Variants in SGO2 observed in about 807,000 individuals in gnomAD.
The protein encoded by SGO2 is shugoshin-like 2.
In SGO2, 68 loss-of-function variants were observed where a neutral mutation model predicts 99.5. The ratio of observed to expected loss-of-function variants is 0.68; its 90% CI spans 0.56 to 0.84. The LOEUF is 0.84. SGO2 is among the 40% of genes least tolerant of loss of function. SGO2 has a pLI of 0.00. For missense variants in SGO2, 1,350 were observed against 1,436.7 expected, an observed-to-expected ratio of 0.94 and a Z score of 0.97; for synonymous variants, 457 against 487.1, an observed-to-expected ratio of 0.94 and a Z score of 0.81.
rs774225510 is a variant in SGO2 at position 200,572,617 on chromosome 2, C to G, written c.2271C>G (p.Asn757Lys). Residue 757 changes from asparagine (N) to lysine (K), a missense_variant, in exon 7 of 9, where the codon AAC becomes AAG. By Grantham distance (94) the Asn-to-Lys change is moderately conservative. Coordinates refer to ENST00000357799, the MANE Select transcript of SGO2 (RefSeq NM_152524.6). Reference protein sequence around the residue: ...TQKDKEIIPGNLEDPSEFETP... With the variant: ...TQKDKEIIPGKLEDPSEFETP... ...AAGATAAGGAAATCATCCCTGGAAACCTAGAAGACCCAAGTGAGTTTGAAA... is the reference window on the plus strand; with the variant it reads ...AAGATAAGGAAATCATCCCTGGAAAGCTAGAAGACCCAAGTGAGTTTGAAA... 3 of 1,612,986 alleles carry G rather than the reference C, an allele frequency of 1.9e-6. No individual in the cohort carries two copies. In the African/African-American group the frequency reaches 4.0e-5, roughly 22 times the overall value.
Position 200,572,781 on chromosome 2 carries a change from T to G in SGO2, c.2435T>G (p.Val812Gly). The G allele has an allele frequency of 6.2e-7, 1 of 1,613,002 alleles. No individual in the cohort carries two copies. The highest frequency in any genetic ancestry group is 1.3e-5 in the African/African-American group (1 of 74,998). ...ATAGGTAAGAAGCCTAGACTAAATG[T>G]ATGTCAAAAGTCAGAAATAATTCCT... Reference protein sequence around the residue: ...SKIGKKPRLNVCQKSEIIPET... With the variant: ...SKIGKKPRLNGCQKSEIIPET... Residue 812 changes from valine to glycine, a missense_variant, in exon 7 of 9, where the codon GTA (valine) becomes GGA (glycine). Val to Gly is a moderately radical substitution (Grantham distance 109, BLOSUM62 -3). Transcript: ENST00000357799.
At chr2:200,554,272 C>T (rs909537998) in intron 5 of SGO2, among the ~76,000 whole-genome samples, 1 of 152,094 alleles carries the variant, frequency 6.6e-6, no homozygotes, top group East Asian at 1.9e-4. Flanking sequence ...AGATCATCAA[C>T]GTTTCAAGCA....
In SGO2 at chr2:200,572,367, C is replaced by T. The variant is rs763049030; in HGVS notation, c.2021C>T (p.Thr674Ile). 6 of 1,612,844 alleles carry T rather than the reference C, an allele frequency of 3.7e-6. No individual in the cohort carries two copies. The African/African-American group carries it at 8.0e-5, about 22-fold the overall frequency. The change falls in exon 7 of 9, where the codon ACT becomes ATT. Residue 674 changes from threonine (T) to isoleucine (I), a missense_variant. Thr to Ile is a moderately conservative substitution (Grantham distance 89). Transcript: ENST00000357799. ...SKELQIPALS[T>I]RDNENQCDYR... The stretch of plus-strand genomic sequence containing the variant: ...GAGCTTCAAATCCCAGCTCTTTCTA[C>T]TAGAGATAATGAAAATCAATGTGAC...
intron 5 of SGO2, among the ~76,000 whole-genome samples, chr2:200,548,727 T>A (rs1400176164): frequency 6.6e-6 from 1 of 152,088 alleles, no homozygotes; most frequent in Admixed American, 6.5e-5. Context: ...GAGAGAGGAC[T>A]ATAATAAATA....
At position 200,573,390 on chromosome 2, in the gene SGO2, C is replaced by T. The variant is rs2033529900; in HGVS notation, c.3044C>T (p.Thr1015Ile). The change falls in exon 7 of 9, where the codon ACA becomes ATA. Residue 1015 changes from threonine to isoleucine, a missense_variant. Coordinates refer to ENST00000357799, the MANE Select transcript of SGO2 (RefSeq NM_152524.6). ...LASQLTESSQ[T>I]SISLESDLKH... ...TCACAGTTAACAGAATCTTCACAGACATCTATCTCCTTAGAATCTGATTTA... is the reference window on the plus strand; with the variant it reads ...TCACAGTTAACAGAATCTTCACAGATATCTATCTCCTTAGAATCTGATTTA... 1.2e-6 allele frequency: 2 copies of T among 1,602,500 alleles called. No homozygotes were observed. Among genetic ancestry groups the T allele is most frequent in the African/African-American group, 1.3e-5 (1 of 74,206 alleles).
In SGO2 at chr2:200,572,977, T is replaced by C. The variant is rs749648404; in HGVS notation, c.2631T>C (p.Asp877=). The change falls in exon 7 of 9, where the codon GAT becomes GAC. Residue 877 remains aspartate (D), a synonymous_variant. Coordinates refer to ENST00000357799, the MANE Select transcript of SGO2 (RefSeq NM_152524.6). ...TCAAAGATAATGGAAATTTATGTGA[T>C]TATGACACCCAGAATATATTGGAGT... is the stretch of plus-strand genomic sequence containing the variant. The part of the protein sequence containing the change: ...LLIKDNGNLC[D]YDTQNILELK... The C allele has an allele frequency of 2.5e-6, 4 of 1,593,018 alleles. No homozygotes were observed. In the African/African-American group the frequency reaches 5.4e-5, roughly 22 times the overall value.
chr2:200,571,230 T>C lies in SGO2; in HGVS notation c.884T>C (p.Leu295Ser). Residue 295 changes from leucine to serine, a missense_variant, in exon 7 of 9, where the codon TTA becomes TCA. Physicochemically the swap from Leu to Ser is moderately radical, Grantham distance 145. Transcript: ENST00000357799. ...GCAGACACTCCCTGTGCAACAGTTT[T>C]AGATAAACAACACATTTCAAGTCCA... The part of the protein sequence containing the change: ...LSADTPCATV[L>S]DKQHISSPEL... 3 of 1,613,612 alleles carry C rather than the reference T, an allele frequency of 1.9e-6. No homozygotes were observed. Among genetic ancestry groups the C allele is most frequent in the Middle Eastern group, 1.7e-4 (1 of 6,058 alleles).
chr2:200,535,769 A>T (rs1056705448), intron 3 of SGO2, among the ~76,000 whole-genome samples: 3 of 152,052 alleles, frequency 2.0e-5, no homozygotes, highest in Non-Finnish European at 2.9e-5. Context: ...ATATATTACT[A>T]TGAGAAGATA....
chr2:200,563,088 A>C (rs2033039387), intron 5 of SGO2, among the ~76,000 whole-genome samples: 2 of 152,200 alleles, frequency 1.3e-5, no homozygotes, highest in Admixed American at 1.3e-4. Context: ...CAGAACTTCC[A>C]ACACTATGTT....
chr2:200,529,547 G>A (rs926444258), intron 1 of SGO2, among the ~76,000 whole-genome samples: 1 of 152,118 alleles, frequency 6.6e-6, no homozygotes. Context: ...TTTTGAGACG[G>A]AGTCTCACTC....
chr2:200,541,396 A>G (rs746112773), intron 4 of SGO2, among the ~76,000 whole-genome samples: 17 of 152,032 alleles, frequency 1.1e-4, no homozygotes, highest in Non-Finnish European at 2.1e-4. Context: ...AAACTAGCCA[A>G]TTCTAGACTA....
intron 5 of SGO2, among the ~76,000 whole-genome samples, chr2:200,548,809 A>G (rs2032347076): frequency 6.6e-6 from 1 of 152,216 alleles, no homozygotes; most frequent in African/African-American, 2.4e-5. Flanking sequence ...ACGATTATGA[A>G]TAATTATACA....
intron 5 of SGO2, among the ~76,000 whole-genome samples, chr2:200,565,332 G>T (rs1444347449): frequency 6.6e-6 from 1 of 152,136 alleles, no homozygotes; most frequent in Non-Finnish European, 1.5e-5. Flanking sequence ...GCTTAGTTTG[G>T]CTGGATATGA....
At chr2:200,550,831 A>G (rs1041436118) in intron 5 of SGO2, among the ~76,000 whole-genome samples, 2 of 152,146 alleles carry the variant, frequency 1.3e-5, no homozygotes, top group African/African-American at 2.4e-5. Context: ...AAAATAGACA[A>G]CTAAGATTAT....
At chr2:200,560,690 G>C (rs1196954512) in intron 5 of SGO2, among the ~76,000 whole-genome samples, 1 of 151,934 alleles carries the variant, frequency 6.6e-6, no homozygotes, top group Non-Finnish European at 1.5e-5. Flanking sequence ...TAAAATTCTT[G>C]TGCTATGTTC....
chr2:200,539,190 A>C (rs1261832467), intron 4 of SGO2, among the ~76,000 whole-genome samples: 1 of 152,004 alleles, frequency 6.6e-6, no homozygotes, highest in Non-Finnish European at 1.5e-5. Context: ...TATCCTGTGG[A>C]TATTGGTCCC....
In SGO2 at chr2:200,573,519, T is replaced by C. The variant is rs746327367; in HGVS notation, c.3173T>C (p.Phe1058Ser). ...TTTLNKKDLP[F>S]VEEIKEGECQ... ...ACTTTGAATAAAAAAGATCTCCCTT[T>C]TGTGGAAGAAATAAAAGAAGGAGAG... Residue 1058 changes from phenylalanine to serine, a missense_variant, in exon 7 of 9, where the codon TTT (phenylalanine) becomes TCT (serine). Coordinates refer to ENST00000357799, the MANE Select transcript of SGO2 (RefSeq NM_152524.6). The C allele has an allele frequency of 1.2e-6, 2 of 1,612,102 alleles. No homozygotes were observed. Among genetic ancestry groups the C allele is most frequent in the Non-Finnish European group, 8.5e-7 (1 of 1,179,212 alleles).
intron 5 of SGO2, among the ~76,000 whole-genome samples, chr2:200,546,224 G>A (rs1345142720): frequency 6.6e-6 from 1 of 151,222 alleles, no homozygotes; most frequent in African/African-American, 2.4e-5. Context: ...GTGGTGGTGG[G>A]TGCCTGTAGT....
Position 200,572,884 on chromosome 2 carries a change from A to G in SGO2, c.2538A>G (p.Pro846=), listed in dbSNP as rs1476769518. The G allele has an allele frequency of 1.3e-6, 2 of 1,592,152 alleles. No individual in the cohort carries two copies. The highest frequency in any genetic ancestry group is 2.3e-5 in the South Asian group (2 of 85,764). Residue 846 remains proline (P), a synonymous_variant, in exon 7 of 9, where the codon CCA becomes CCG. Coordinates refer to ENST00000357799, the MANE Select transcript of SGO2 (RefSeq NM_152524.6). ...LEKDNFFSLT[P]KDKETISENL... ...AAGATAACTTCTTCTCTCTAACCCCAAAGGATAAAGAAACAATTTCTGAAA... is the reference window on the plus strand; with the variant it reads ...AAGATAACTTCTTCTCTCTAACCCCGAAGGATAAAGAAACAATTTCTGAAA...
Sources: allele counts gnomAD v4.1 joint callset (sites outside exome capture counted in the v4.1 genomes callset), GRCh38; gene constraint gnomAD v4.1.1; transcripts MANE v1.5; gene names NCBI Gene and HGNC (gene_info 2026-07-23, HGNC 2026-07-21).